The following CASK variants were observed in gnomAD, a reference collection of about 807,000 sequenced individuals.
CASK encodes peripheral plasma membrane protein CASK.
Under a neutral mutation model 82.9 loss-of-function variants are expected in CASK, and 4 were observed. The ratio of observed to expected loss-of-function variants is 0.05; its 90% CI spans 0.02 to 0.11. The LOEUF (loss-of-function observed/expected upper bound fraction) is 0.11. CASK is among the 10% of genes least tolerant of loss of function. The pLI is 1.00. For synonymous variants in CASK, 259 were observed against 253.5 expected, an observed-to-expected ratio of 1.02 and a Z score of -0.20; for missense variants, 358 against 720.9, an observed-to-expected ratio of 0.50 and a Z score of 5.76.
rs1051581307 is a variant in CASK, at chrX:41,571,237, T to C, written c.1504-1491A>G. 1.3e-4 allele frequency among the ~76,000 whole-genome samples: 15 copies of C among 111,898 alleles called. No individual in the cohort carries two copies. The East Asian group carries it at 3.6e-3, about 27-fold the overall frequency. On this transcript the variant is annotated intron_variant, in intron 15 of 26. Transcript: ENST00000378163. ...TGTTTTGAAAAGAGTTTGTATAGAA[T>C]TGGTATTATTTCTCCATTGTATGTT...
chrX:41,914,743 GA>G (rs932550127), intron 1 of CASK, among the ~76,000 whole-genome samples: 3 of 112,169 alleles, frequency 2.7e-5, no homozygotes, highest in African/African-American at 9.7e-5. Context: ...GCTCGGGAAT[GA>G]AAAGGACATA....
At chrX:41,768,587 TA>T (rs1257181991) in intron 3 of CASK, among the ~76,000 whole-genome samples, 28 of 110,270 alleles carry the variant, frequency 2.5e-4, no homozygotes, top group Admixed American at 2.5e-3. Flanking sequence ...TTCTGCATGT[TA>T]AAAAAAAATC....
At chrX:41,873,464 T>C (rs2071745107) in intron 1 of CASK, among the ~76,000 whole-genome samples, 1 of 111,589 alleles carries the variant, frequency 9.0e-6, no homozygotes, top group Non-Finnish European at 1.9e-5. Context: ...GTGCAATTCA[T>C]TGCAGGGCTG....
intron 7 of CASK, among the ~76,000 whole-genome samples, chrX:41,663,473 C>G (rs12388033): frequency 8.2e-4 from 92 of 112,412 alleles, no homozygotes; most frequent in African/African-American, 2.8e-3. Flanking sequence ...ATCTGACTTA[C>G]TATAATACTA....
intron 1 of CASK, among the ~76,000 whole-genome samples, chrX:41,853,853 A>C (rs766975573): frequency 1.3e-3 from 144 of 112,083 alleles, no homozygotes; most frequent in African/African-American, 4.1e-3. Flanking sequence ...GAGAGAGAGA[A>C]AGTATTTGCA....
intron 21 of CASK, among the ~76,000 whole-genome samples, chrX:41,550,463 A>G (rs781457183): frequency 1.8e-5 from 2 of 111,534 alleles, no homozygotes; most frequent in South Asian, 7.5e-4. Flanking sequence ...TAGCCATTCT[A>G]ATAGGTGTGA....
At chrX:41,858,556 C>A (rs183623251) in intron 1 of CASK, among the ~76,000 whole-genome samples, 94 of 111,302 alleles carry the variant, frequency 8.4e-4, no homozygotes, top group African/African-American at 2.8e-3. Flanking sequence ...TGCACTACAG[C>A]GGAAATGTCC....
At chrX:41,774,772 C>A (rs1437676267) in intron 3 of CASK, among the ~76,000 whole-genome samples, 1 of 109,441 alleles carries the variant, frequency 9.1e-6, no homozygotes, top group Non-Finnish European at 1.9e-5. Flanking sequence ...CTGAGAAAAA[C>A]AAGCAATGGG....
At chrX:41,791,520 C>T (rs1329021304) in intron 2 of CASK, among the ~76,000 whole-genome samples, 1 of 109,848 alleles carries the variant, frequency 9.1e-6, no homozygotes, top group Non-Finnish European at 1.9e-5. Flanking sequence ...GTTAGGAGTT[C>T]AAGACCAGCC....
At chrX:41,571,941 C>T (rs1393639237) in intron 15 of CASK, among the ~76,000 whole-genome samples, 1 of 111,605 alleles carries the variant, frequency 9.0e-6, no homozygotes, top group East Asian at 2.8e-4. Flanking sequence ...ATTTAATTTT[C>T]AAGTACTTGG....
At chrX:41,853,895 T>C (rs1416125637) in intron 1 of CASK, among the ~76,000 whole-genome samples, 2 of 111,159 alleles carry the variant, frequency 1.8e-5, no homozygotes, top group Non-Finnish European at 3.8e-5. Flanking sequence ...CCAAAATATA[T>C]AAGTAACTTG....
chrX:41,636,290 AT>A (rs1255293886), intron 9 of CASK, among the ~76,000 whole-genome samples: 2 of 112,194 alleles, frequency 1.8e-5, no homozygotes, highest in African/African-American at 6.5e-5. Flanking sequence ...CTAGATTCAT[AT>A]TCAATAATAA....
At chrX:41,637,378 C>CT (rs758261036) in intron 8 of CASK, among the ~76,000 whole-genome samples, 396 of 36,887 alleles carry the variant, frequency 0.011, 105 homozygotes, top group Non-Finnish European at 0.013. Flanking sequence ...TTAGGACACG[C>CT]TTTTTTTTTT....
intron 5 of CASK, among the ~76,000 whole-genome samples, chrX:41,701,220 T>C (rs1405192043): frequency 9.0e-6 from 1 of 111,545 alleles, no homozygotes; most frequent in African/African-American, 3.3e-5. Flanking sequence ...GTGTAAATAA[T>C]GAGACCATAA....
intron 5 of CASK, chrX:41,696,872 T>C (rs905876106): frequency 2.2e-5 from 12 of 538,594 alleles, no homozygotes; most frequent in Non-Finnish European, 3.4e-5. Flanking sequence ...TTTACAAAAC[T>C]CAGATCTCAA....
At chrX:41,841,830 C>A (rs2071046114) in intron 2 of CASK, among the ~76,000 whole-genome samples, 1 of 111,807 alleles carries the variant, frequency 8.9e-6, no homozygotes, top group African/African-American at 3.2e-5. Flanking sequence ...CCTCTTTTTA[C>A]TTTCTTGATA....
intron 9 of CASK, among the ~76,000 whole-genome samples, chrX:41,631,101 G>A (rs1426480178): frequency 2.7e-5 from 3 of 111,469 alleles, no homozygotes; most frequent in Non-Finnish European, 5.6e-5. Flanking sequence ...AAAAGAGGCT[G>A]CAGTATTTTC....
intron 5 of CASK, among the ~76,000 whole-genome samples, chrX:41,722,377 C>T (rs772514888): frequency 8.9e-6 from 1 of 112,379 alleles, no homozygotes; most frequent in African/African-American, 3.2e-5. Context: ...GAGGCTAGAT[C>T]ACAAAAAGGC....
chrX:41,870,521 A>C (rs2071688302), intron 1 of CASK, among the ~76,000 whole-genome samples: 1 of 112,346 alleles, frequency 8.9e-6, no homozygotes, highest in Admixed American at 9.4e-5. Context: ...AAGAATGAAG[A>C]GTAAAATAAA....
Sources: gnomAD v4.1 joint callset for allele counts (sites outside exome capture counted in the v4.1 genomes callset) on GRCh38, gnomAD v4.1.1 for gene constraint, MANE v1.5 for transcripts, NCBI Gene and HGNC (gene_info 2026-07-23, HGNC 2026-07-21) for gene names.